RBFOX1: variants seen among roughly 807,000 people sequenced by gnomAD.
RBFOX1 encodes RNA binding fox-1 homolog 1.
In RBFOX1, 8 loss-of-function variants were observed where a neutral mutation model predicts 57.7. That is an observed-to-expected ratio of 0.14 (90% confidence interval 0.08 to 0.25). The LOEUF (loss-of-function observed/expected upper bound fraction) is 0.25. Ranked by LOEUF, RBFOX1 falls within the 10% of genes least tolerant of loss-of-function variation. RBFOX1 has a pLI of 1.00. For missense variants in RBFOX1, 611 were observed against 548.5 expected (o/e 1.11, Z -1.14); for synonymous variants, 326 against 222.4 (o/e 1.47, Z -4.15).
chr16:5,261,881 C>T (rs1181068220), intron 1 of RBFOX1, among the ~76,000 whole-genome samples: 1 of 152,252 alleles, frequency 6.6e-6, no homozygotes, highest in African/African-American at 2.4e-5. Flanking sequence ...AACCCCCTTT[C>T]CCTGGCCTCT....
intron 3 of RBFOX1, among the ~76,000 whole-genome samples, chr16:6,909,454 T>G (rs1473434346): frequency 6.6e-6 from 1 of 152,240 alleles, no homozygotes; most frequent in Non-Finnish European, 1.5e-5. Context: ...ATTCACACCT[T>G]TCAGAGATTA....
intron 1 of RBFOX1, among the ~76,000 whole-genome samples, chr16:6,313,738 A>G (rs1021931568): frequency 6.6e-6 from 1 of 151,974 alleles, no homozygotes; most frequent in East Asian, 1.9e-4. Context: ...ATTGTGCCCA[A>G]TTCCACTGGG....
At chr16:7,695,045 A>G (rs8055404) in intron 14 of RBFOX1, among the ~76,000 whole-genome samples, 45,663 of 152,144 alleles carry the variant, frequency 0.3, 7,211 homozygotes, top group Non-Finnish European at 0.34. Flanking sequence ...GGCGACAGAA[A>G]ATGAAAGTTT....
At chr16:6,715,325 A>T (rs2064574560) in intron 3 of RBFOX1, among the ~76,000 whole-genome samples, 1 of 151,656 alleles carries the variant, frequency 6.6e-6, no homozygotes, top group African/African-American at 2.4e-5. Flanking sequence ...ACTGCCTTAG[A>T]TTCTGGGACC....
chr16:7,275,070 C>T (rs77721628), intron 4 of RBFOX1, among the ~76,000 whole-genome samples: 4,135 of 152,162 alleles, frequency 0.027, 99 homozygotes, highest in East Asian at 0.13. Flanking sequence ...GAAGGCAGTG[C>T]TGAGCGGGCA....
At position 7,582,129 on chromosome 16, in the gene RBFOX1, G is replaced by A. The variant is rs115425444; in HGVS notation, c.414+2209G>A. 7.7e-3 allele frequency among the ~76,000 whole-genome samples: 1,161 copies of A among 151,306 alleles called. 18 individuals carry two copies. Among genetic ancestry groups the A allele is most frequent in the African/African-American group, 0.027 (1,105 of 41,280 alleles). On this transcript the variant is annotated intron_variant, in intron 6 of 15. Coordinates refer to ENST00000550418, the MANE Select transcript of RBFOX1 (RefSeq NM_018723.4). ...ATTGCAACCTTTCTCCTGGGTTCAAGCGATTCTTGTGCCTCAGCTTCCTGA... is the reference window on the plus strand; with the variant it reads ...ATTGCAACCTTTCTCCTGGGTTCAAACGATTCTTGTGCCTCAGCTTCCTGA...
At chr16:6,985,758 C>G (rs193240649) in intron 3 of RBFOX1, among the ~76,000 whole-genome samples, 1 of 145,476 alleles carries the variant, frequency 6.9e-6, no homozygotes, top group Non-Finnish European at 1.5e-5. Flanking sequence ...TGCTTGAACC[C>G]AGGAGGCAGA....
intron 4 of RBFOX1, among the ~76,000 whole-genome samples, chr16:7,267,369 T>G (rs554870280): frequency 6.6e-6 from 1 of 151,918 alleles, no homozygotes; most frequent in African/African-American, 2.4e-5. Context: ...ACCCCGTCTC[T>G]ACTAAAAATA....
At chr16:7,634,388 GT>G (rs57522849) in intron 11 of RBFOX1, among the ~76,000 whole-genome samples, 12 of 141,940 alleles carry the variant, frequency 8.5e-5, no homozygotes, top group East Asian at 6.2e-4. Flanking sequence ...TTTGATGTTT[GT>G]TTTTTTTTTT....
intron 4 of RBFOX1, among the ~76,000 whole-genome samples, chr16:7,262,795 C>T (rs1030155744): frequency 6.6e-6 from 1 of 152,218 alleles, no homozygotes; most frequent in Non-Finnish European, 1.5e-5. Flanking sequence ...CTCAGGAATC[C>T]AATTCTTTTT....
chr16:6,925,061 C>T (rs1233322502), intron 3 of RBFOX1, among the ~76,000 whole-genome samples: 1 of 140,392 alleles, frequency 7.1e-6, no homozygotes, highest in Non-Finnish European at 1.5e-5. Context: ...TGTATATGTG[C>T]CACATTTTCT....
chr16:7,294,367 CTGAA>C (rs1428855133), intron 4 of RBFOX1, among the ~76,000 whole-genome samples: 2 of 152,074 alleles, frequency 1.3e-5, no homozygotes, highest in Non-Finnish European at 2.9e-5. Context: ...GCTATAGGAA[CTGAA>C]GTTACTTGCT....
chr16:7,398,387 C>A (rs34462613), intron 4 of RBFOX1, among the ~76,000 whole-genome samples: 27,411 of 151,822 alleles, frequency 0.18, 2,518 homozygotes, highest in South Asian at 0.26. Flanking sequence ...GAAGATGAGG[C>A]TGAAGATGTA....
intron 3 of RBFOX1, among the ~76,000 whole-genome samples, chr16:5,782,736 A>G (rs1002414778): frequency 1.3e-5 from 2 of 152,192 alleles, no homozygotes; most frequent in African/African-American, 4.8e-5. Context: ...AAGTCCTACA[A>G]CCTAACCAGC....
At chr16:6,866,729 A>G (rs1215453810) in intron 3 of RBFOX1, among the ~76,000 whole-genome samples, 2 of 151,552 alleles carry the variant, frequency 1.3e-5, no homozygotes, top group African/African-American at 4.9e-5. Context: ...TTTTTAGTAG[A>G]GAAGGGGTTT....
At chr16:7,342,370 G>C (rs909717244) in intron 4 of RBFOX1, among the ~76,000 whole-genome samples, 7 of 152,162 alleles carry the variant, frequency 4.6e-5, no homozygotes, top group Non-Finnish European at 7.4e-5. Flanking sequence ...GCTCCTGTGT[G>C]ATGCGGGGCT....
chr16:6,994,327 T>C (rs1253498567), intron 3 of RBFOX1, among the ~76,000 whole-genome samples: 1 of 152,124 alleles, frequency 6.6e-6, no homozygotes, highest in Non-Finnish European at 1.5e-5. Context: ...GATGTAAGTG[T>C]CTAGAGTCTA....
At chr16:6,017,747 G>A (rs1416800862), upstream of RBFOX1, among the ~76,000 whole-genome samples, 1 of 152,150 alleles carries the variant, frequency 6.6e-6, no homozygotes, top group Non-Finnish European at 1.5e-5. Context: ...GAAAGAAACC[G>A]CAGCCCGATA....
chr16:6,484,158 C>G lies in RBFOX1; in HGVS notation c.-64+167101C>G, dbSNP rs568996254. On this transcript the variant is annotated intron_variant, in intron 2 of 15. Coordinates refer to ENST00000550418, the MANE Select transcript of RBFOX1 (RefSeq NM_018723.4). Reference sequence around the variant, plus strand: ...AGATGAATAAGCGTTTATTAAGAACCGATGTAAAAGTCCCAATAGGCTAGC... The same window carrying G: ...AGATGAATAAGCGTTTATTAAGAACGGATGTAAAAGTCCCAATAGGCTAGC... 2.6e-5 allele frequency among the ~76,000 whole-genome samples: 4 copies of G among 152,178 alleles called. No individual in the cohort carries two copies. The East Asian group carries it at 7.7e-4, about 29-fold the overall frequency.
Sources: allele counts gnomAD v4.1 joint callset (sites outside exome capture counted in the v4.1 genomes callset), GRCh38; gene constraint gnomAD v4.1.1; transcripts MANE v1.5; gene names NCBI Gene and HGNC (gene_info 2026-07-23, HGNC 2026-07-21).